The following PYGM variants were observed in gnomAD, a reference collection of about 807,000 sequenced individuals.
PYGM encodes the protein glycogen phosphorylase, muscle form.
A neutral mutation model predicts 99.3 loss-of-function variants in PYGM; 81 were observed. The ratio of observed to expected loss-of-function variants is 0.82; its 90% confidence interval spans 0.68 to 0.98. The LOEUF (loss-of-function observed/expected upper bound fraction) is 0.98, where lower values mean the gene tolerates loss of function less well. Ranked by LOEUF, PYGM falls within the 50% of genes least tolerant of loss-of-function variation. The pLI is 0.00. For synonymous variants in PYGM, 436 were observed against 451.5 expected, an observed-to-expected ratio of 0.97 and a Z score of 0.44; for missense variants, 1,030 against 1,158.1, an observed-to-expected ratio of 0.89 and a Z score of 1.61.
At chr11:64,748,729 A>C (rs2058331858) in intron 17 of PYGM, 1 of 152,220 alleles carries the variant, frequency 6.6e-6, no homozygotes, top group South Asian at 2.1e-4. Context: ...GACTAATAAC[A>C]TGGAAAATCT....
rs183026465 is a variant in PYGM at position 64,754,684 on chromosome 11, G to A, written c.999+9C>T. 162 of 1,612,890 alleles carry A rather than the reference G, an allele frequency of 1.0e-4. 1 individual carries two copies. The Admixed American group carries it at 1.3e-3, about 13-fold the overall frequency. On this transcript the variant is annotated intron_variant, in intron 8 of 19. Transcript: ENST00000164139. This position sits in a 1 kb window ranked among gnomAD's most constrained non-coding sequence, Gnocchi z 5.5. ...CCGGTCACAGAGTCGCCCTCCACAC[G>A]CATGGTACCTTATCTGGGAAGGCAT...
At position 64,754,030 on chromosome 11, in the gene PYGM, C is replaced by A; in HGVS notation, c.1093-5G>T. 1 of 1,598,722 alleles carries A rather than the reference C, an allele frequency of 6.3e-7. No individual in the cohort carries two copies. Among genetic ancestry groups the A allele is most frequent in the Non-Finnish European group, 8.5e-7 (1 of 1,172,600 alleles). On this transcript the variant is annotated splice_polypyrimidine_tract_variant and splice_region_variant and intron_variant, in intron 9 of 19. Transcript: ENST00000164139. The surrounding 1 kb of genome is among the most constrained non-coding windows in gnomAD (Gnocchi z 5.5). ...CCTCACTGTCACATCCCACGCCTGG[C>A]ACACGGGGTGGGCAGTCAGGATGCT...
intron 5 of PYGM, among the ~76,000 whole-genome samples, chr11:64,756,503 T>G (rs1309285643): frequency 6.6e-6 from 1 of 152,204 alleles, no homozygotes; most frequent in Non-Finnish European, 1.5e-5. Flanking sequence ...CAGGCTGGAG[T>G]GCAGTGGCAC....
At chr11:64,750,767 T>C (rs1246891047) in intron 16 of PYGM, among the ~76,000 whole-genome samples, 184 bp from the exon 17 acceptor site, 2 of 152,224 alleles carry the variant, frequency 1.3e-5, no homozygotes, top group Non-Finnish European at 1.5e-5. Context: ...CTCTTGTTGA[T>C]TCTTGACCAT....
Position 64,754,024 on chromosome 11 carries a change from G to A in PYGM, c.1094C>T (p.Ala365Val), listed in dbSNP as rs116135678. 1,401 of 1,601,044 alleles carry A rather than the reference G, an allele frequency of 8.8e-4. 1 individual carries two copies. The highest frequency in any genetic ancestry group is 1.2e-3 in the Admixed American group (68 of 58,034). ...ACAGGTCCTCACTGTCACATCCCAC[G>A]CCTGGCACACGGGGTGGGCAGTCAG... Reference protein sequence around the residue: ...VDLERMDWDKAWDVTVRTCAY... With the variant: ...VDLERMDWDKVWDVTVRTCAY... The change falls in exon 10 of 20, where the codon GCG becomes GTG. Residue 365 changes from alanine (A) to valine (V), a missense_variant and splice_region_variant. Transcript: ENST00000164139. The surrounding 1 kb of genome is among the most constrained non-coding windows in gnomAD (Gnocchi z 5.5).
At chr11:64,749,641 CA>C (rs1194213508) in intron 17 of PYGM, among the ~76,000 whole-genome samples, 277 of 137,758 alleles carry the variant, frequency 2.0e-3, no homozygotes, top group African/African-American at 5.3e-3. Flanking sequence ...GACTCCGTCT[CA>C]AAAAAAAAAA....
Position 64,758,699 on chromosome 11 carries a change from G to A in PYGM, c.249C>T (p.Ile83=). 1 of 1,603,390 alleles carries A rather than the reference G, an allele frequency of 6.2e-7. No individual in the cohort carries two copies. The highest frequency in any genetic ancestry group is 8.5e-7 in the Non-Finnish European group (1 of 1,170,346). Residue 83 remains isoleucine, a synonymous_variant, in exon 2 of 20, where the codon ATC becomes ATT. Coordinates refer to ENST00000164139, the MANE Select transcript of PYGM (RefSeq NM_005609.4). Reference sequence around the variant, plus strand: ...TATAGAACTCTAAAGACAGGTAGTAGATCCTCTGCCCAGAGAGACGGATGG... The same window carrying A: ...TATAGAACTCTAAAGACAGGTAGTAAATCCTCTGCCCAGAGAGACGGATGG... The part of the protein sequence containing the change: ...QHYYEKDPKR[I]YYLSLEFYMG...
chr11:64,757,439 C>A (rs630966), intron 5 of PYGM, among the ~76,000 whole-genome samples: 1 of 152,038 alleles, frequency 6.6e-6, no homozygotes, highest in Non-Finnish European at 1.5e-5. Context: ...TCCTGTCCCC[C>A]TTTCTGGGCT....
chr11:64,747,101 A>G, intron 18 of PYGM, 114 bp from the exon 19 acceptor site: 2 of 1,569,438 alleles, frequency 1.3e-6, no homozygotes, highest in South Asian at 1.1e-5. Context: ...CTAGAGGGTC[A>G]TGCTGCTTCC....
chr11:64,751,722 C>T, intron 14 of PYGM, 67 bp from the exon 15 acceptor site: 2 of 1,589,274 alleles, frequency 1.3e-6, no homozygotes, highest in Non-Finnish European at 1.7e-6. Context: ...CTGACAGAGG[C>T]TGGGCTGGGA....
chr11:64,751,540 A>G, intron 15 of PYGM, 57 bp downstream of exon 15: 1 of 1,613,984 alleles, frequency 6.2e-7, no homozygotes, highest in South Asian at 1.1e-5. Context: ...AGCTGGGCTG[A>G]CCTCAACCTG....
intron 1 of PYGM, 118 bp from the exon 2 acceptor site, chr11:64,758,822 T>G: frequency 2.2e-6 from 2 of 900,478 alleles, no homozygotes; most frequent in South Asian, 2.7e-5. Flanking sequence ...CCCATCCCTG[T>G]CCCCAATTTG....
In PYGM at chr11:64,746,789, C is replaced by G; in HGVS notation, c.2399G>C (p.Arg800Pro). Reference protein sequence around the residue: ...ALYKNPREWTRMVIRNIATSG... With the variant: ...ALYKNPREWTPMVIRNIATSG... ...GGTGGCTATGTTCCGGATCACCATC[C>G]GCGTCCACTCTCTTGGGTTCTGCAG... Residue 800 changes from arginine to proline, a missense_variant, in exon 20 of 20, where the codon CGG becomes CCG. By Grantham distance (103) the Arg-to-Pro change is moderately radical. Coordinates refer to ENST00000164139, the MANE Select transcript of PYGM (RefSeq NM_005609.4). 1.2e-6 allele frequency: 2 copies of G among 1,614,128 alleles called. No individual in the cohort carries two copies. Among genetic ancestry groups the G allele is most frequent in the Non-Finnish European group, 1.7e-6 (2 of 1,180,024 alleles).
chr11:64,754,349 G>T lies in PYGM; in HGVS notation c.1000-4C>A, dbSNP rs780099039. 5 of 1,605,706 alleles carry T rather than the reference G, an allele frequency of 3.1e-6. No individual in the cohort carries two copies. In the South Asian group the frequency reaches 5.5e-5, roughly 18 times the overall value. On this transcript the variant is annotated splice_polypyrimidine_tract_variant and splice_region_variant and intron_variant, in intron 8 of 19. Transcript: ENST00000164139. This position sits in a 1 kb window ranked among gnomAD's most constrained non-coding sequence, Gnocchi z 5.5. Reference sequence around the variant, plus strand: ...TGTCATTGAGCTGGATGGCCACCTGGGGTAGGGGGAGGGGTCAGTCTGGGC... The same window carrying T: ...TGTCATTGAGCTGGATGGCCACCTGTGGTAGGGGGAGGGGTCAGTCTGGGC...
rs759218298 is a variant in PYGM at position 64,751,965 on chromosome 11, C to A, written c.1727G>T (p.Arg576Leu). Residue 576 changes from arginine (R) to leucine (L), a missense_variant, in exon 14 of 20, where the codon CGA (arginine) becomes CTA (leucine). By Grantham distance (102) the Arg-to-Leu change is moderately radical (BLOSUM62 -2). Transcript: ENST00000164139. ...IQVKRIHEYK[R>L]QLLNCLHVIT... ...GACATGGAGGCAGTTGAGGAGCTGT[C>A]GTTTATATTCGTGAATCCGCTTCAC... The A allele has an allele frequency of 1.2e-6, 2 of 1,614,008 alleles. No homozygotes were observed. The highest frequency in any genetic ancestry group is 2.7e-5 in the African/African-American group (2 of 74,886).
chr11:64,753,425 A>C, intron 11 of PYGM, 94 bp downstream of exon 11: 2 of 1,470,452 alleles, frequency 1.4e-6, no homozygotes, highest in African/African-American at 1.4e-5. Flanking sequence ...CCCAGAGACC[A>C]GAGAGTGGTC....
At chr11:64,758,752 C>G (rs765790895) in intron 1 of PYGM, 48 bp from the exon 2 acceptor site, 2 of 1,504,298 alleles carry the variant, frequency 1.3e-6, no homozygotes, top group South Asian at 2.3e-5. Context: ...GGCCACACAC[C>G]AACACTCAGC....
Position 64,750,375 on chromosome 11 carries a change from C to CTTA in PYGM, c.2177_2177+1insTAA (p.Gly726_Tyr727insLys), listed in dbSNP as rs1565533076. The CTTA allele has an allele frequency of 6.2e-7, 1 of 1,614,066 alleles. No homozygotes were observed. The highest frequency in any genetic ancestry group is 8.5e-7 in the Non-Finnish European group (1 of 1,179,972). On this transcript the variant is annotated inframe_insertion and splice_region_variant. Transcript: ENST00000164139. ...TTGCCCGTGAACCCTGACCCCCATA[C>CTTA]CCTCTTTGGTCAAGCTTATCCACAT... is the stretch of plus-strand genomic sequence containing the variant.
chr11:64,750,390 C>T lies in PYGM; in HGVS notation c.2163G>A (p.Lys721=), dbSNP rs2058346455. ...IFGMRVEDVD[K]LDQRGYNAQE... ...GACCCCCATACCCTCTTTGGTCAAG[C>T]TTATCCACATCCTCCACCCGCATGC... Residue 721 remains lysine, a synonymous_variant, in exon 17 of 20, where the codon AAG becomes AAA. Coordinates refer to ENST00000164139, the MANE Select transcript of PYGM (RefSeq NM_005609.4). 4.3e-6 allele frequency: 7 copies of T among 1,614,100 alleles called. No individual in the cohort carries two copies. The highest frequency in any genetic ancestry group is 5.9e-6 in the Non-Finnish European group (7 of 1,179,996).
Sources: gnomAD v4.1 joint callset for allele counts (sites outside exome capture counted in the v4.1 genomes callset) on GRCh38, gnomAD v4.1.1 for gene constraint, Gnocchi (gnomAD v3.1) non-coding constraint, MANE v1.5 for transcripts, NCBI Gene and HGNC (gene_info 2026-07-23, HGNC 2026-07-21) for gene names.